DCC: variants seen among roughly 807,000 people sequenced by gnomAD.
DCC encodes DCC netrin 1 receptor, also known as netrin receptor DCC.
A neutral mutation model predicts 172.5 loss-of-function variants in DCC; 58 were observed. The observed-to-expected ratio is 0.34, with a 90% CI of 0.27 to 0.42. DCC has a LOEUF of 0.42. DCC is among the 10% of genes least tolerant of loss of function. The pLI is 1.00. For missense variants in DCC, 1,740 were observed against 1,791.0 expected (o/e 0.97, Z 0.51); for synonymous variants, 709 against 644.5 (o/e 1.10, Z -1.52).
At position 52,387,574 on chromosome 18, in the gene DCC, T is replaced by TGTTCCTTCCTTC. The variant is rs551481939; in HGVS notation, c.91+46696_91+46697insGTTCCTTCCTTC. On this transcript the variant is annotated intron_variant, in intron 1 of 28. Transcript: ENST00000442544. ...CAAAGCCAGGCTGTTTTGTTTTGTT[T>TGTTCCTTCCTTC]CTTCCTTCCTTCCTTCCTTCCTTCC... Among the ~76,000 whole-genome samples the TGTTCCTTCCTTC allele has an allele frequency of 3.8e-3, 459 of 122,090 alleles. 7 individuals are homozygous for TGTTCCTTCCTTC. Among genetic ancestry groups the TGTTCCTTCCTTC allele is most frequent in the African/African-American group, 0.014 (421 of 30,742 alleles). 80.1% of individuals were successfully genotyped at this position (122,090 alleles called of 152,430 possible). A position where few individuals can be genotyped will look rare whatever the true frequency, so the allele number is the denominator to read the frequency against.
At chr18:53,158,928 G>A (rs1006929660) in intron 8 of DCC, among the ~76,000 whole-genome samples, 4 of 148,142 alleles carry the variant, frequency 2.7e-5, no homozygotes, top group Non-Finnish European at 4.4e-5. Context: ...GGGAAGCGGA[G>A]GTTGAAGTGA....
intron 1 of DCC, among the ~76,000 whole-genome samples, chr18:52,567,499 C>T (rs550117834): frequency 7.1e-4 from 108 of 152,230 alleles, no homozygotes; most frequent in East Asian, 7.7e-4. Flanking sequence ...TACTCAACTT[C>T]TCTGTGTCAC....
intron 18 of DCC, among the ~76,000 whole-genome samples, chr18:53,398,028 C>G (rs1193185691): frequency 1.3e-5 from 2 of 151,994 alleles, no homozygotes; most frequent in African/African-American, 4.8e-5. Flanking sequence ...TTTTACTGGT[C>G]ACATTTACTA....
In DCC at chr18:53,448,656, CAAGACCAGCCTGGTCAA is replaced by C. The variant is rs1435852765; in HGVS notation, c.3230-1843_3230-1827del. On this transcript the variant is annotated intron_variant, in intron 22 of 28. Coordinates refer to ENST00000442544, the MANE Select transcript of DCC (RefSeq NM_005215.4). ...GGCAGATCACCTGAAGTAAGGTGTT[CAAGACCAGCCTGGTCAA>C]CATGGCAAAACCCGTCTCTACTAAA... 9.0e-3 allele frequency among the ~76,000 whole-genome samples: 1,373 copies of C among 152,214 alleles called. 22 individuals carry two copies. The highest frequency in any genetic ancestry group is 0.027 in the Admixed American group (417 of 15,288).
At chr18:53,285,716 C>A (rs1284120863) in intron 12 of DCC, among the ~76,000 whole-genome samples, 1 of 152,178 alleles carries the variant, frequency 6.6e-6, no homozygotes, top group African/African-American at 2.4e-5. Flanking sequence ...ACAGCTTACA[C>A]CATGCACCTG....
intron 15 of DCC, among the ~76,000 whole-genome samples, chr18:53,374,336 G>A (rs2058088519): frequency 6.6e-6 from 1 of 152,098 alleles, no homozygotes; most frequent in African/African-American, 2.4e-5. Flanking sequence ...CCTTAATTGG[G>A]ACTTAGCCTC....
chr18:52,967,961 C>T (rs183812492), intron 5 of DCC, among the ~76,000 whole-genome samples: 2 of 152,240 alleles, frequency 1.3e-5, no homozygotes, highest in African/African-American at 4.8e-5. Context: ...CATTAAAATA[C>T]ACACATTTTA....
intron 2 of DCC, among the ~76,000 whole-genome samples, chr18:52,856,057 G>A (rs905828677): frequency 2.2e-4 from 33 of 151,584 alleles, no homozygotes; most frequent in Non-Finnish European, 1.0e-4. Flanking sequence ...GAGCCACCGC[G>A]CCCCGCCATT....
intron 12 of DCC, among the ~76,000 whole-genome samples, chr18:53,227,477 T>G (rs948881039): frequency 6.6e-6 from 1 of 152,164 alleles, no homozygotes; most frequent in African/African-American, 2.4e-5. Context: ...GTTCAAAACA[T>G]TACCCAGTCT....
intron 5 of DCC, among the ~76,000 whole-genome samples, chr18:53,000,561 A>T (rs1464971761): frequency 6.9e-6 from 1 of 145,542 alleles, no homozygotes; most frequent in Non-Finnish European, 1.5e-5. Context: ...AGGGGTCACC[A>T]TGTTTAGGAT....
At chr18:52,828,573 A>G (rs1199978526) in intron 2 of DCC, among the ~76,000 whole-genome samples, 1 of 152,074 alleles carries the variant, frequency 6.6e-6, no homozygotes, top group African/African-American at 2.4e-5. Flanking sequence ...AAATAGTTTG[A>G]TAGTCTTTGT....
intron 21 of DCC, among the ~76,000 whole-genome samples, chr18:53,433,552 G>T (rs912140374): frequency 1.3e-5 from 2 of 152,118 alleles, no homozygotes; most frequent in African/African-American, 2.4e-5. Context: ...TGCTAGAAAA[G>T]TCATCTTAAT....
At chr18:53,328,975 C>G (rs773092623) in intron 14 of DCC, among the ~76,000 whole-genome samples, 1 of 152,136 alleles carries the variant, frequency 6.6e-6, no homozygotes. Context: ...ATTTAGGGAA[C>G]AGATGTATCC....
chr18:52,936,730 A>G (rs1187572868), intron 5 of DCC, among the ~76,000 whole-genome samples: 1 of 152,190 alleles, frequency 6.6e-6, no homozygotes, highest in Non-Finnish European at 1.5e-5. Context: ...AGGGCATTTT[A>G]TGCTAAAGTT....
chr18:53,511,908 C>T (rs1289565283), intron 27 of DCC, among the ~76,000 whole-genome samples: 1 of 152,200 alleles, frequency 6.6e-6, no homozygotes, highest in Non-Finnish European at 1.5e-5. Flanking sequence ...CGCCATTGCC[C>T]AGGCTTGCTT....
chr18:52,837,817 C>T (rs906350044), intron 2 of DCC, among the ~76,000 whole-genome samples: 2 of 152,094 alleles, frequency 1.3e-5, no homozygotes, highest in Admixed American at 6.5e-5. Context: ...AAGATCTGCC[C>T]GGGACTGGGT....
intron 2 of DCC, among the ~76,000 whole-genome samples, chr18:52,785,633 T>C (rs1438449873): frequency 5.3e-5 from 8 of 152,082 alleles, no homozygotes; most frequent in Non-Finnish European, 8.8e-5. Flanking sequence ...ATTTGCAGTT[T>C]GATTGCTCTC....
chr18:53,460,402 G>T (rs2045542458), intron 24 of DCC, among the ~76,000 whole-genome samples: 1 of 146,506 alleles, frequency 6.8e-6, no homozygotes, highest in Non-Finnish European at 1.5e-5. Flanking sequence ...TCTAGCATGA[G>T]GTATATCTCC....
rs978050306 is a variant in DCC, at chr18:53,531,615, C to T, written c.*962C>T. On this transcript the variant is annotated 3_prime_UTR_variant, in exon 29 of 29. Transcript: ENST00000442544. ...GGCAACTAGCGTTGGGTGAAATGGC[C>T]AGCTCCACATGTCATATGGTGCACT... The T allele has an allele frequency of 3.3e-5, 5 of 152,420 alleles. No individual in the cohort carries two copies. The highest frequency in any genetic ancestry group is 7.2e-5 in the African/African-American group (3 of 41,542). 9.4% of individuals were successfully genotyped at this position (152,420 alleles called of 1,614,324 possible). A position where few individuals can be genotyped will look rare whatever the true frequency, so the allele number is the denominator to read the frequency against.
Sources: allele counts gnomAD v4.1 joint callset (sites outside exome capture counted in the v4.1 genomes callset), GRCh38; gene constraint gnomAD v4.1.1; transcripts MANE v1.5; gene names NCBI Gene and HGNC (gene_info 2026-07-23, HGNC 2026-07-21).